Variants in ATP2B2 observed in about 807,000 individuals in gnomAD.
ATP2B2 encodes plasma membrane calcium-transporting ATPase 2.
ATP2B2 carries 15 observed loss-of-function variants against 120.0 expected under a neutral mutation model. The observed-to-expected ratio is 0.12, with a 90% CI of 0.08 to 0.19. The LOEUF is 0.19. Among genes scored for constraint, ATP2B2 ranks in the 10% least tolerant of loss-of-function variants. ATP2B2 has a pLI of 1.00. For synonymous variants in ATP2B2, 694 were observed against 700.3 expected (o/e 0.99, Z 0.14); for missense variants, 1,045 against 1,719.8 (o/e 0.61, Z 6.94).
At chr3:10,633,421 C>T (rs73811972) in intron 1 of ATP2B2, among the ~76,000 whole-genome samples, 7,110 of 152,268 alleles carry the variant, frequency 0.047, 493 homozygotes, top group African/African-American at 0.15. Context: ...AGTCTCACCC[C>T]ACTGGAGAAC....
intron 12 of ATP2B2, among the ~76,000 whole-genome samples, chr3:10,367,468 C>T (rs2061097616): frequency 6.6e-6 from 1 of 152,032 alleles, no homozygotes; most frequent in African/African-American, 2.4e-5. Flanking sequence ...GCTGGCATAG[C>T]AAACTACAGA....
chr3:10,702,673 A>G (rs2071836113), intron 1 of ATP2B2, among the ~76,000 whole-genome samples: 1 of 152,118 alleles, frequency 6.6e-6, no homozygotes, highest in East Asian at 1.9e-4. Context: ...GCCCAGCACA[A>G]TCTTTGGTCA....
intron 5 of ATP2B2, among the ~76,000 whole-genome samples, chr3:10,400,225 C>T (rs1171990619): frequency 6.6e-6 from 1 of 152,254 alleles, no homozygotes; most frequent in East Asian, 1.9e-4. Context: ...CTGCTTAAAA[C>T]CGTTTCAGAG....
At chr3:10,336,920 G>A (rs923250773) in intron 22 of ATP2B2, among the ~76,000 whole-genome samples, 3 of 152,236 alleles carry the variant, frequency 2.0e-5, no homozygotes, top group East Asian at 3.9e-4. Flanking sequence ...AGACCCCTGC[G>A]TGGCTTTGCC....
chr3:10,340,425 G>A lies in ATP2B2; in HGVS notation c.3129+68C>T, dbSNP rs2125367957. ...CCAGCACAGAGGGCTGGGCTCTCAGGGTCCTGCCCAGGGGCTCCAGCCGCT... is the reference window on the plus strand; with the variant it reads ...CCAGCACAGAGGGCTGGGCTCTCAGAGTCCTGCCCAGGGGCTCCAGCCGCT... On this transcript the variant is annotated intron_variant, in intron 20 of 22. Transcript: ENST00000360273. The surrounding 1 kb of genome is among the most constrained non-coding windows in gnomAD (Gnocchi z 5.0). The A allele has an allele frequency of 6.2e-7, 1 of 1,612,034 alleles. No individual in the cohort carries two copies. Among genetic ancestry groups the A allele is most frequent in the Non-Finnish European group, 8.5e-7 (1 of 1,178,232 alleles).
chr3:10,566,082 C>T (rs183672939), intron 2 of ATP2B2, among the ~76,000 whole-genome samples: 5 of 152,282 alleles, frequency 3.3e-5, no homozygotes, highest in African/African-American at 1.2e-4. Flanking sequence ...ACCCACCCCT[C>T]CTTCCACTGA....
At chr3:10,410,561 G>A (rs2062574176) in intron 3 of ATP2B2, 57 bp downstream of exon 3, 1 of 1,524,714 alleles carries the variant, frequency 6.6e-7, no homozygotes, top group Non-Finnish European at 8.9e-7. Context: ...GTGCCCCCCA[G>A]CGTGGATGCG....
At chr3:10,508,220 T>C (rs1186919202), upstream of ATP2B2, among the ~76,000 whole-genome samples, 1 of 152,238 alleles carries the variant, frequency 6.6e-6, no homozygotes, top group African/African-American at 2.4e-5. Context: ...AGTGCAAATA[T>C]TGAACAGCAA....
upstream of ATP2B2, among the ~76,000 whole-genome samples, chr3:10,510,580 T>C (rs1206596590): frequency 6.6e-6 from 1 of 152,182 alleles, no homozygotes; most frequent in African/African-American, 2.4e-5. Context: ...CACCCTAGGC[T>C]CCCACCTGTG....
intron 2 of ATP2B2, among the ~76,000 whole-genome samples, chr3:10,418,342 AG>A (rs1481421229): frequency 1.3e-5 from 2 of 152,224 alleles, no homozygotes; most frequent in African/African-American, 4.8e-5. Context: ...AGGTAGGTAA[AG>A]GAGCAGGGGC....
chr3:10,523,338 A>G (rs1419694154), intron 3 of ATP2B2, among the ~76,000 whole-genome samples: 2 of 152,234 alleles, frequency 1.3e-5, no homozygotes, highest in African/African-American at 2.4e-5. Context: ...TTAACTTTCT[A>G]TTAAAAAAAT....
At chr3:10,364,091 A>C (rs563754382) in intron 12 of ATP2B2, among the ~76,000 whole-genome samples, 1 of 152,238 alleles carries the variant, frequency 6.6e-6, no homozygotes, top group African/African-American at 2.4e-5. Context: ...ACATGAAGGA[A>C]TCTTGAGGAC....
chr3:10,638,844 A>C (rs2070092371), intron 1 of ATP2B2, among the ~76,000 whole-genome samples: 1 of 152,266 alleles, frequency 6.6e-6, no homozygotes, highest in Non-Finnish European at 1.5e-5. Flanking sequence ...AGCAAAGAAT[A>C]TTAGCAGGGA....
At chr3:10,334,742 T>A (rs1376140639) in intron 22 of ATP2B2, among the ~76,000 whole-genome samples, 1 of 152,192 alleles carries the variant, frequency 6.6e-6, no homozygotes, top group Admixed American at 6.5e-5. Context: ...AGGCTCCCTG[T>A]GGCCCGCGCC....
chr3:10,535,530 C>G (rs2067296250), intron 2 of ATP2B2, among the ~76,000 whole-genome samples: 1 of 152,094 alleles, frequency 6.6e-6, no homozygotes, highest in Non-Finnish European at 1.5e-5. Context: ...ATAGTCATGC[C>G]CCTCATCCCT....
At position 10,375,685 on chromosome 3, in the gene ATP2B2, T is replaced by C; in HGVS notation, c.1202-41A>G. ...CACATGCTTGGGGGGTTCCAGGAAG[T>C]GGAGGCTGGGGGTGGTGTGGACCAA... On this transcript the variant is annotated intron_variant, in intron 10 of 22. Transcript: ENST00000360273. The surrounding 1 kb of genome is among the most constrained non-coding windows in gnomAD (Gnocchi z 4.2). 1 of 1,587,170 alleles carries C rather than the reference T, an allele frequency of 6.3e-7. No individual in the cohort carries two copies. The highest frequency in any genetic ancestry group is 8.6e-7 in the Non-Finnish European group (1 of 1,158,172).
intron 2 of ATP2B2, among the ~76,000 whole-genome samples, chr3:10,438,890 GGGA>G (rs1406217516): frequency 1.3e-5 from 2 of 152,248 alleles, no homozygotes; most frequent in East Asian, 3.8e-4. Flanking sequence ...CTGAGACCCA[GGGA>G]GGAGAAGTAA....
At chr3:10,361,137 C>T (rs774653409) in intron 12 of ATP2B2, among the ~76,000 whole-genome samples, 1 of 152,226 alleles carries the variant, frequency 6.6e-6, no homozygotes, top group Non-Finnish European at 1.5e-5. Flanking sequence ...GACAGACAGA[C>T]TGTCCCTCAT....
chr3:10,338,189 C>T lies in ATP2B2; in HGVS notation c.3407G>A (p.Arg1136Gln), dbSNP rs1421474714. 1.2e-6 allele frequency: 2 copies of T among 1,614,052 alleles called. No individual in the cohort carries two copies. Among genetic ancestry groups the T allele is most frequent in the Non-Finnish European group, 1.7e-6 (2 of 1,180,028 alleles). ...AGCCTCCTGTACCTGTGTCTGGATC[C>T]GATTCAGGCCTCGGAACCACAGGAT... ...GQILWFRGLNRIQTQIRVVKA... is the reference protein window; with the variant it reads ...GQILWFRGLNQIQTQIRVVKA... Residue 1136 changes from arginine to glutamine, a missense_variant, in exon 22 of 23, where the codon CGG becomes CAG. Arg to Gln is a conservative substitution (Grantham distance 43). This residue lies in a region of ATP2B2 where 211 missense variants were observed against 385.1 expected (regional missense o/e 0.55). Coordinates refer to ENST00000360273, the MANE Select transcript of ATP2B2 (RefSeq NM_001001331.4).
Sources: allele counts gnomAD v4.1 joint callset (sites outside exome capture counted in the v4.1 genomes callset), GRCh38; gene constraint gnomAD v4.1.1; regional missense constraint gnomAD v4.1.1; non-coding constraint Gnocchi (gnomAD v3.1); transcripts MANE v1.5; gene names NCBI Gene and HGNC (gene_info 2026-07-23, HGNC 2026-07-21).